The following RYK variants were observed in gnomAD, a reference collection of about 807,000 sequenced individuals.
RYK encodes receptor like tyrosine kinase.
RYK carries 21 observed loss-of-function variants against 70.2 expected under a neutral mutation model. That is an observed-to-expected ratio of 0.30 (90% CI 0.21 to 0.43). RYK has a LOEUF of 0.43. RYK is among the 20% of genes least tolerant of loss of function. The probability of loss-of-function intolerance (pLI) is 1.00; values close to 1 mark genes in which losing one functional copy is unlikely to be tolerated. For missense variants in RYK, 604 were observed against 753.3 expected (o/e 0.80, Z 2.32); for synonymous variants, 267 against 278.0 (o/e 0.96, Z 0.39).
chr3:134,209,158 GTATTC>G (rs1431724212), intron 4 of RYK, among the ~76,000 whole-genome samples: 2 of 152,118 alleles, frequency 1.3e-5, no homozygotes, highest in East Asian at 1.9e-4. Context: ...CCCACATACG[GTATTC>G]TAAGTTTTAG....
chr3:134,196,770 A>T lies in RYK; in HGVS notation c.789-1588T>A, dbSNP rs1440432592. On this transcript the variant is annotated intron_variant, in intron 6 of 14. Transcript: ENST00000623711. ...ATGTAGCCTTTCTATGGCTAATAAT[A>T]CAATATACTACTATCTGCTATTGTA... Among the ~76,000 whole-genome samples, 15 of 152,316 alleles carry T rather than the reference A, an allele frequency of 9.8e-5. No homozygotes were observed. In the East Asian group the frequency reaches 2.7e-3, roughly 27 times the overall value.
chr3:134,245,682 G>T (rs1039352636), intron 1 of RYK, among the ~76,000 whole-genome samples: 1 of 152,158 alleles, frequency 6.6e-6, no homozygotes, highest in Non-Finnish European at 1.5e-5. Flanking sequence ...ACTGTAGCCA[G>T]AAGTCGAAGG....
Position 134,203,007 on chromosome 3 carries a change from G to A in RYK, c.644-133C>T, listed in dbSNP as rs559890823. On this transcript the variant is annotated intron_variant, in intron 5 of 14. Transcript: ENST00000623711. ...TAAGATCAGTTACCAGTAGCATATTGGTGGAAGTTCACATAATTTTTTTGA... is the reference window on the plus strand; with the variant it reads ...TAAGATCAGTTACCAGTAGCATATTAGTGGAAGTTCACATAATTTTTTTGA... 244 of 696,786 alleles carry A rather than the reference G, an allele frequency of 3.5e-4. 1 individual carries two copies. The highest frequency in any genetic ancestry group is 5.3e-4 in the Non-Finnish European group (227 of 428,210). The allele number at this position is 696,786 out of a possible 1,614,324, so 43.2% of individuals were successfully genotyped here.
chr3:134,226,637 A>G (rs2014918649), intron 1 of RYK, among the ~76,000 whole-genome samples: 1 of 152,184 alleles, frequency 6.6e-6, no homozygotes, highest in Non-Finnish European at 1.5e-5. Context: ...TAAAAGGATT[A>G]ACACATCATG....
chr3:134,223,189 A>G (rs1030638646), intron 1 of RYK, among the ~76,000 whole-genome samples: 1 of 152,172 alleles, frequency 6.6e-6, no homozygotes, highest in African/African-American at 2.4e-5. Flanking sequence ...CTTGTTAACC[A>G]AGAGGTTAGT....
intron 13 of RYK, among the ~76,000 whole-genome samples, chr3:134,167,843 C>T (rs1419294915): frequency 6.6e-6 from 1 of 152,096 alleles, no homozygotes; most frequent in Non-Finnish European, 1.5e-5. Context: ...AGGCAACCTA[C>T]AAAATGGGAG....
At chr3:134,242,944 T>C (rs1452095685) in intron 1 of RYK, among the ~76,000 whole-genome samples, 1 of 152,240 alleles carries the variant, frequency 6.6e-6, no homozygotes, top group Non-Finnish European at 1.5e-5. Context: ...AAATACCAAC[T>C]CCACCAAAAC....
intron 12 of RYK, 67 bp from the exon 13 acceptor site, chr3:134,175,835 T>TTA: frequency 6.3e-7 from 1 of 1,577,518 alleles, no homozygotes; most frequent in East Asian, 2.2e-5. Context: ...ATCACCACCC[T>TTA]TAAATACAAC....
chr3:134,168,205 C>T (rs1200628714), intron 13 of RYK, among the ~76,000 whole-genome samples: 2 of 152,208 alleles, frequency 1.3e-5, no homozygotes, highest in Non-Finnish European at 2.9e-5. Flanking sequence ...TTGTTGAAGA[C>T]AGTGTGGTGA....
chr3:134,212,890 T>C (rs1419098618), intron 2 of RYK, among the ~76,000 whole-genome samples: 1 of 152,210 alleles, frequency 6.6e-6, no homozygotes, highest in African/African-American at 2.4e-5. Flanking sequence ...AGCTAAACAC[T>C]GTAGGGGTAT....
chr3:134,168,648 A>C (rs2012781841), intron 13 of RYK, among the ~76,000 whole-genome samples: 1 of 151,328 alleles, frequency 6.6e-6, no homozygotes, highest in Non-Finnish European at 1.5e-5. Context: ...GAGGGATAGC[A>C]TTAGGAGATA....
At chr3:134,190,740 CCTT>C (rs2013619280) in intron 8 of RYK, among the ~76,000 whole-genome samples, 1 of 152,132 alleles carries the variant, frequency 6.6e-6, no homozygotes, top group Non-Finnish European at 1.5e-5. Flanking sequence ...GTTCAGAATT[CCTT>C]CTTCTCAAAT....
At chr3:134,173,500 C>G (rs996833756) in intron 13 of RYK, among the ~76,000 whole-genome samples, 21 of 152,128 alleles carry the variant, frequency 1.4e-4, no homozygotes, top group Admixed American at 5.2e-4. Flanking sequence ...AACTTACAAT[C>G]ATGACGAAGG....
rs2014253032 is a variant in RYK, at chr3:134,207,499, A to G, written c.616T>C (p.Leu206=). The G allele has an allele frequency of 1.9e-6, 3 of 1,542,948 alleles. No homozygotes were observed. The highest frequency in any genetic ancestry group is 2.6e-6 in the Non-Finnish European group (3 of 1,141,382). Reference sequence around the variant, plus strand: ...ATAGTTCTGCTAGTGTTTTTGTCCAAGGCTGAAGTTTTTACTTCTTCAAGT... The same window carrying G: ...ATAGTTCTGCTAGTGTTTTTGTCCAGGGCTGAAGTTTTTACTTCTTCAAGT... ...KKLEEVKTSA[L]DKNTSRTIYD... is the part of the protein sequence containing the mutation. The change falls in exon 5 of 15, where the codon TTG becomes CTG. Residue 206 remains leucine (L), a synonymous_variant. Transcript: ENST00000623711.
rs541069836 is a variant in RYK at position 134,194,615 on chromosome 3, A to T, written c.889+467T>A. On this transcript the variant is annotated intron_variant, in intron 7 of 14. Transcript: ENST00000623711. ...GAATAAATGCCAGTCCAAAAAAGGA[A>T]ATCAGATCCGACATTCTCAACTTTC... 3.3e-5 allele frequency among the ~76,000 whole-genome samples: 5 copies of T among 152,312 alleles called. No homozygotes were observed. In the East Asian group the frequency reaches 7.7e-4, roughly 23 times the overall value.
intron 11 of RYK, among the ~76,000 whole-genome samples, chr3:134,177,571 T>G (rs1011645384): frequency 1.3e-5 from 2 of 152,180 alleles, no homozygotes; most frequent in Non-Finnish European, 2.9e-5. Context: ...TCACCAGACT[T>G]TGGTATAGTA....
chr3:134,233,184 A>G (rs546738261), intron 1 of RYK, among the ~76,000 whole-genome samples: 1 of 152,350 alleles, frequency 6.6e-6, no homozygotes, highest in South Asian at 2.1e-4. Context: ...TGGGCTGCCC[A>G]AGTGATCTCA....
Position 134,250,639 on chromosome 3 carries a change from G to A in RYK, c.16C>T (p.Arg6Trp), listed in dbSNP as rs1229506983. MRGAA[R>W]LGRPGRSCLP... ...CAACTCCGGCCCGGCCGCCCCAGCC[G>A]CGCCGCCCCACGCATGGCCGCCGCC... The change falls in exon 1 of 15, where the codon CGG becomes TGG. Residue 6 changes from arginine to tryptophan, a missense_variant. Coordinates refer to ENST00000623711, the MANE Select transcript of RYK (RefSeq NM_002958.4). The A allele has an allele frequency of 1.2e-4, 121 of 984,554 alleles. No homozygotes were observed. The highest frequency in any genetic ancestry group is 1.4e-4 in the Non-Finnish European group (117 of 831,020). The allele number at this position is 984,554 out of a possible 1,614,324, so 61.0% of individuals were successfully genotyped here.
intron 13 of RYK, among the ~76,000 whole-genome samples, chr3:134,173,983 C>T (rs773312956): frequency 1.3e-5 from 2 of 152,120 alleles, no homozygotes; most frequent in Non-Finnish European, 2.9e-5. Context: ...CCTTACATGA[C>T]AAAACGTGAT....
Sources: gnomAD v4.1 joint callset for allele counts (sites outside exome capture counted in the v4.1 genomes callset) on GRCh38, gnomAD v4.1.1 for gene constraint, MANE v1.5 for transcripts, NCBI Gene and HGNC (gene_info 2026-07-23, HGNC 2026-07-21) for gene names.